NTM: variants seen among roughly 807,000 people sequenced by gnomAD.
NTM encodes the protein IgLON family member 2.
Under a neutral mutation model 42.1 loss-of-function variants are expected in NTM, and 13 were observed. That is an observed-to-expected ratio of 0.31 (90% CI 0.20 to 0.49). The LOEUF is 0.49. Ranked by LOEUF, NTM falls within the 20% of genes least tolerant of loss-of-function variation. NTM has a pLI of 0.99. For synonymous variants in NTM, 187 were observed against 179.2 expected (o/e 1.04, Z -0.35); for missense variants, 373 against 452.8 (o/e 0.82, Z 1.60).
chr11:132,000,540 C>T (rs1006000831), intron 2 of NTM, among the ~76,000 whole-genome samples: 1 of 152,200 alleles, frequency 6.6e-6, no homozygotes, highest in Non-Finnish European at 1.5e-5. Context: ...TGTACAAGTA[C>T]ATTTTTCATA....
intron 1 of NTM, among the ~76,000 whole-genome samples, chr11:131,469,179 T>A (rs1242559303): frequency 1.3e-5 from 2 of 152,140 alleles, no homozygotes; most frequent in African/African-American, 4.8e-5. Flanking sequence ...CCCCACCCAC[T>A]GCCACTGTGA....
At chr11:132,188,590 G>A (rs1243031875) in intron 3 of NTM, among the ~76,000 whole-genome samples, 1 of 152,114 alleles carries the variant, frequency 6.6e-6, no homozygotes, top group East Asian at 1.9e-4. Flanking sequence ...GCATTTTAGA[G>A]GTGGATGTTA....
chr11:131,531,492 G>T (rs868806575), intron 1 of NTM, among the ~76,000 whole-genome samples: 2 of 152,186 alleles, frequency 1.3e-5, no homozygotes, highest in Non-Finnish European at 2.9e-5. Flanking sequence ...TCATTGCAAA[G>T]TGTAGTGAAG....
chr11:132,190,838 C>T (rs1450196400), intron 3 of NTM, among the ~76,000 whole-genome samples: 1 of 151,926 alleles, frequency 6.6e-6, no homozygotes, highest in Non-Finnish European at 1.5e-5. Context: ...CAGGGGTTAG[C>T]TCTGTAGCAT....
At chr11:131,951,191 A>C (rs554738010) in intron 2 of NTM, among the ~76,000 whole-genome samples, 1 of 152,206 alleles carries the variant, frequency 6.6e-6, no homozygotes, top group South Asian at 2.1e-4. Context: ...TCAGAGGGGG[A>C]ATAAAAAGGC....
intron 4 of NTM, among the ~76,000 whole-genome samples, chr11:132,293,560 C>A (rs1168995568): frequency 5.9e-5 from 9 of 152,050 alleles, no homozygotes; most frequent in Non-Finnish European, 1.2e-4. Flanking sequence ...GGGTGTGAGA[C>A]TACAGGAAAT....
At chr11:131,549,002 T>C (rs1180865269) in intron 1 of NTM, among the ~76,000 whole-genome samples, 1 of 152,218 alleles carries the variant, frequency 6.6e-6, no homozygotes, top group Non-Finnish European at 1.5e-5. Context: ...GTAGGGTGTT[T>C]GTGCATATGC....
intron 1 of NTM, among the ~76,000 whole-genome samples, chr11:131,391,659 A>AG (rs1339327478): frequency 1.1e-4 from 17 of 149,876 alleles, no homozygotes; most frequent in East Asian, 3.9e-4. Flanking sequence ...AAAAAAAAAA[A>AG]AAAAGAAAAG....
chr11:131,814,126 ACTCTT>A (rs2092851054), intron 1 of NTM, among the ~76,000 whole-genome samples: 2 of 152,094 alleles, frequency 1.3e-5, no homozygotes, highest in South Asian at 4.1e-4. Context: ...AGAGCGCTCC[ACTCTT>A]CTCTCTTCAG....
chr11:131,781,395 T>A (rs112709969), intron 1 of NTM, among the ~76,000 whole-genome samples: 516 of 152,162 alleles, frequency 3.4e-3, no homozygotes, highest in African/African-American at 0.012. Flanking sequence ...GTTTCCTCAG[T>A]TGAATAAACA....
At chr11:132,298,663 A>T (rs934880741) in intron 4 of NTM, among the ~76,000 whole-genome samples, 1 of 152,342 alleles carries the variant, frequency 6.6e-6, no homozygotes, top group Non-Finnish European at 1.5e-5. Flanking sequence ...CTTTAAGTTG[A>T]AGCTTCTCTT....
At chr11:131,687,665 C>T (rs1165895136) in intron 1 of NTM, among the ~76,000 whole-genome samples, 3 of 152,278 alleles carry the variant, frequency 2.0e-5, no homozygotes, top group African/African-American at 7.2e-5. Flanking sequence ...CTGCAAGGGA[C>T]GCACCGAAAT....
At chr11:131,926,735 G>A (rs749386466) in intron 2 of NTM, among the ~76,000 whole-genome samples, 7 of 152,192 alleles carry the variant, frequency 4.6e-5, no homozygotes, top group African/African-American at 7.2e-5. Flanking sequence ...GCGCACAGAG[G>A]CCTGGTAGTT....
chr11:131,580,511 C>T (rs1318556153), intron 1 of NTM, among the ~76,000 whole-genome samples: 5 of 152,116 alleles, frequency 3.3e-5, no homozygotes, highest in African/African-American at 7.2e-5. Flanking sequence ...AAGGTTAAGG[C>T]ACACACTCTC....
chr11:132,117,781 T>C (rs2064115606), intron 2 of NTM, among the ~76,000 whole-genome samples: 1 of 152,234 alleles, frequency 6.6e-6, no homozygotes, highest in Admixed American at 6.5e-5. Context: ...TTTACTGCTC[T>C]GTTTCTGAAT....
chr11:132,106,399 G>A (rs1212968471), intron 2 of NTM, among the ~76,000 whole-genome samples: 2 of 152,218 alleles, frequency 1.3e-5, no homozygotes, highest in East Asian at 3.8e-4. Flanking sequence ...CTTTATCTGG[G>A]AAAGGGGCAG....
chr11:131,688,269 G>C (rs1382877040), intron 1 of NTM, among the ~76,000 whole-genome samples: 1 of 152,182 alleles, frequency 6.6e-6, no homozygotes, highest in Non-Finnish European at 1.5e-5. Flanking sequence ...TCCAGACAGG[G>C]GGGAAAGCAG....
chr11:131,793,150 A>G (rs759416574), intron 1 of NTM, among the ~76,000 whole-genome samples: 1 of 152,262 alleles, frequency 6.6e-6, no homozygotes, highest in African/African-American at 2.4e-5. Flanking sequence ...AGGACTACCC[A>G]TGAATGTGGA....
intron 1 of NTM, among the ~76,000 whole-genome samples, chr11:131,641,481 G>T (rs2065121578): frequency 6.6e-6 from 1 of 152,188 alleles, no homozygotes; most frequent in Admixed American, 6.5e-5. Context: ...AAGCCTCTCT[G>T]AGACCTCCAT....
Sources: gnomAD v4.1 joint callset for allele counts (sites outside exome capture counted in the v4.1 genomes callset) on GRCh38, gnomAD v4.1.1 for gene constraint, MANE v1.5 for transcripts, NCBI Gene and HGNC (gene_info 2026-07-23, HGNC 2026-07-21) for gene names.